ARHGAP44: variants seen among roughly 807,000 people sequenced by gnomAD.
ARHGAP44 encodes the protein Rho GTPase activating protein 44.
In ARHGAP44, 43 loss-of-function variants were observed where a neutral mutation model predicts 106.8. The ratio of observed to expected loss-of-function variants is 0.40; its 90% CI spans 0.32 to 0.52. ARHGAP44 has a LOEUF of 0.52. ARHGAP44 is among the 20% of genes least tolerant of loss of function. The probability of loss-of-function intolerance (pLI) is 0.48; values close to 1 mark genes in which losing one functional copy is unlikely to be tolerated. For missense variants in ARHGAP44, 866 were observed against 1,050.5 expected (o/e 0.82, Z 2.43); for synonymous variants, 439 against 410.3 (o/e 1.07, Z -0.85).
At chr17:12,959,008 AGTTTAGGTGACTCGTAGCAAT>A (rs1430538148) in intron 16 of ARHGAP44, 111 bp downstream of exon 16, 1 of 1,271,818 alleles carries the variant, frequency 7.9e-7, no homozygotes, top group Non-Finnish European at 1.1e-6. Flanking sequence ...GACTCTCAGC[AGTTTAGGTGACTCGTAGCAAT>A]TAAACTGTAT....
intron 1 of ARHGAP44, among the ~76,000 whole-genome samples, chr17:12,861,864 G>A (rs1011636112): frequency 1.3e-5 from 2 of 151,676 alleles, no homozygotes; most frequent in African/African-American, 4.8e-5. Context: ...TGAACTCCTG[G>A]CCCCAAATGA....
At chr17:12,906,470 C>T (rs1350760794) in intron 3 of ARHGAP44, among the ~76,000 whole-genome samples, 2 of 152,208 alleles carry the variant, frequency 1.3e-5, no homozygotes, top group African/African-American at 2.4e-5. Flanking sequence ...GGTCCCACAA[C>T]TCCCCTCCTC....
At position 12,893,458 on chromosome 17, in the gene ARHGAP44, C is replaced by T. The variant is rs1052924496; in HGVS notation, c.54-1482C>T. Among the ~76,000 whole-genome samples the T allele has an allele frequency of 7.2e-5, 11 of 152,274 alleles. No homozygotes were observed. In the East Asian group the frequency reaches 7.7e-4, roughly 11 times the overall value. On this transcript the variant is annotated intron_variant, in intron 1 of 20. Transcript: ENST00000379672. ...AGATGCTTCGTTATCACCACATGGG[C>T]GTGGGTGTCCAGGTGACCATATGAT...
At chr17:12,851,949 T>G (rs973663779) in intron 1 of ARHGAP44, among the ~76,000 whole-genome samples, 1 of 151,632 alleles carries the variant, frequency 6.6e-6, no homozygotes, top group Non-Finnish European at 1.5e-5. Flanking sequence ...GGTATAAAAA[T>G]GAGCTTGTCC....
chr17:12,968,948 T>C (rs572926711), intron 16 of ARHGAP44, among the ~76,000 whole-genome samples: 3 of 152,048 alleles, frequency 2.0e-5, no homozygotes, highest in Non-Finnish European at 2.9e-5. Context: ...TGTTTGTATT[T>C]TTAGTAGAGA....
Position 12,825,776 on chromosome 17 carries a change from CA to C in ARHGAP44, c.53+35886del, listed in dbSNP as rs2034902511. On this transcript the variant is annotated intron_variant, in intron 1 of 20. Coordinates refer to ENST00000379672, the MANE Select transcript of ARHGAP44 (RefSeq NM_014859.6). ...TGGGTACTATAGCTAGCCAAGTTGA[CA>C]CAAAAAAATTAAACATCACAGGGAC... is the stretch of plus-strand genomic sequence containing the variant. Among the ~76,000 whole-genome samples the C allele has an allele frequency of 2.0e-5, 3 of 152,210 alleles. No individual in the cohort carries two copies. The South Asian group carries it at 6.2e-4, about 32-fold the overall frequency.
rs116497872 is a variant in ARHGAP44, at chr17:12,971,816, A to C, written c.1524-1486A>C. Among the ~76,000 whole-genome samples the C allele has an allele frequency of 4.7e-3, 715 of 152,254 alleles. 2 individuals are homozygous for C. Among genetic ancestry groups the C allele is most frequent in the African/African-American group, 0.014 (570 of 41,540 alleles). On this transcript the variant is annotated intron_variant, in intron 16 of 20. Transcript: ENST00000379672. ...AAGCCATCCAGCGGAGATGAGAAAT[A>C]CCAGCAATCGTACTAGACATGAGAA...
rs1567724891 is a variant in ARHGAP44, at chr17:12,984,545, G to A, written c.1954G>A (p.Ala652Thr). 6.6e-7 allele frequency: 1 copy of A among 1,523,290 alleles called. No individual in the cohort carries two copies. Among genetic ancestry groups the A allele is most frequent in the Admixed American group, 2.2e-5 (1 of 45,314 alleles). The allele number at this position is 1,523,290 out of a possible 1,614,324, so 94.4% of individuals were successfully genotyped here. Residue 652 changes from alanine (A) to threonine (T), a missense_variant, in exon 20 of 21, where the codon GCA becomes ACA. Coordinates refer to ENST00000379672, the MANE Select transcript of ARHGAP44 (RefSeq NM_014859.6). ...HTLRKVSKKL[A>T]PIPPKVPFGQ... ...TTCTCTTTCAGTTTCAAAGAAGCTG[G>A]CACCGATTCCACCCAAGGTCCCCTT...
chr17:12,877,691 C>A (rs200263328), intron 1 of ARHGAP44, among the ~76,000 whole-genome samples: 3 of 151,498 alleles, frequency 2.0e-5, no homozygotes, highest in East Asian at 3.9e-4. Flanking sequence ...CGGAGCTTGC[C>A]GTGAGCCGAG....
Position 12,974,329 on chromosome 17 carries a change from C to G in ARHGAP44, c.1763+19C>G. 6 of 1,387,528 alleles carry G rather than the reference C, an allele frequency of 4.3e-6. No individual in the cohort carries two copies. Among genetic ancestry groups the G allele is most frequent in the South Asian group, 1.7e-5 (1 of 60,342 alleles). 86.0% of individuals were successfully genotyped at this position (1,387,528 alleles called of 1,614,324 possible). On this transcript the variant is annotated intron_variant, in intron 18 of 20. Coordinates refer to ENST00000379672, the MANE Select transcript of ARHGAP44 (RefSeq NM_014859.6). ...GCACCAGGTAAGCGCGGGCCACTGC[C>G]GTCCGGGCGGGCTGGTGTGCGGTGC... is the stretch of plus-strand genomic sequence containing the variant.
At chr17:12,910,820 A>G (rs922080797) in intron 4 of ARHGAP44, among the ~76,000 whole-genome samples, 1 of 152,172 alleles carries the variant, frequency 6.6e-6, no homozygotes, top group Non-Finnish European at 1.5e-5. Context: ...TGGCAGAATC[A>G]GTATTTCAAG....
chr17:12,945,275 G>A, intron 10 of ARHGAP44, among the ~76,000 whole-genome samples: 1 of 152,152 alleles, frequency 6.6e-6, no homozygotes, highest in East Asian at 1.9e-4. Context: ...CTCCCAAAGT[G>A]CTGGGATTAC....
chr17:12,895,865 A>G lies in ARHGAP44; in HGVS notation c.94-542A>G, dbSNP rs187084843. Among the ~76,000 whole-genome samples, 290 of 152,278 alleles carry G rather than the reference A, an allele frequency of 1.9e-3. 1 individual carries two copies. The highest frequency in any genetic ancestry group is 6.6e-3 in the African/African-American group (273 of 41,554). On this transcript the variant is annotated intron_variant, in intron 2 of 20. Coordinates refer to ENST00000379672, the MANE Select transcript of ARHGAP44 (RefSeq NM_014859.6). ...TTGGAACCAACCCAAATGTCCATCAATGATAGACTGGATTAAGAAAATGTG... is the reference window on the plus strand; with the variant it reads ...TTGGAACCAACCCAAATGTCCATCAGTGATAGACTGGATTAAGAAAATGTG...
intron 1 of ARHGAP44, among the ~76,000 whole-genome samples, chr17:12,840,656 G>T (rs576751440): frequency 1.3e-5 from 2 of 152,214 alleles, no homozygotes; most frequent in Admixed American, 1.3e-4. Context: ...TGCAGTTCCT[G>T]GGGGAGCAGC....
At chr17:12,973,584 G>C in intron 17 of ARHGAP44, 1 of 541,148 alleles carries the variant, frequency 1.8e-6, no homozygotes, top group South Asian at 2.7e-5. Context: ...TGGAGCTGGG[G>C]CTAGACTCCA....
At chr17:12,875,837 G>GGGAGGCT (rs1354398415) in intron 1 of ARHGAP44, among the ~76,000 whole-genome samples, 1 of 152,148 alleles carries the variant, frequency 6.6e-6, no homozygotes, top group African/African-American at 2.4e-5. Context: ...CCAGCTACTG[G>GGGAGGCT]GGAGGCTGAG....
At chr17:12,906,573 C>T (rs573760018) in intron 3 of ARHGAP44, among the ~76,000 whole-genome samples, 1 of 152,150 alleles carries the variant, frequency 6.6e-6, no homozygotes, top group Non-Finnish European at 1.5e-5. Context: ...TACAAATGAA[C>T]AGCCAGATGA....
intron 1 of ARHGAP44, among the ~76,000 whole-genome samples, chr17:12,795,230 T>C (rs1215915194): frequency 6.6e-6 from 1 of 152,222 alleles, no homozygotes; most frequent in African/African-American, 2.4e-5. Flanking sequence ...CAGGCCTTAC[T>C]GCCTGTTCTG....
chr17:12,834,132 C>G (rs2035168908), intron 1 of ARHGAP44, among the ~76,000 whole-genome samples: 1 of 151,996 alleles, frequency 6.6e-6, no homozygotes, highest in South Asian at 2.1e-4. Flanking sequence ...GGGGGTGCTT[C>G]AGAATTTTAT....
Sources: allele counts gnomAD v4.1 joint callset (sites outside exome capture counted in the v4.1 genomes callset), GRCh38; gene constraint gnomAD v4.1.1; transcripts MANE v1.5; gene names NCBI Gene and HGNC (gene_info 2026-07-23, HGNC 2026-07-21).